Variants in ZIM2 observed in about 807,000 individuals in gnomAD.
ZIM2 encodes the protein zinc finger imprinted 2.
In ZIM2, 14 loss-of-function variants were observed where a neutral mutation model predicts 38.6. The observed-to-expected ratio is 0.36, with a 90% CI of 0.24 to 0.57. The LOEUF is 0.57. Among genes scored for constraint, ZIM2 ranks in the 20% least tolerant of loss-of-function variants. The pLI is 0.81. For missense variants in ZIM2, 680 were observed against 695.1 expected, an observed-to-expected ratio of 0.98 and a Z score of 0.24; for synonymous variants, 247 against 245.8, an observed-to-expected ratio of 1.00 and a Z score of -0.04.
chr19:56,818,821 T>C (rs763267763), intron 7 of ZIM2, 119 bp from the exon 8 acceptor site: 88 of 1,182,040 alleles, frequency 7.4e-5, no homozygotes, highest in Non-Finnish European at 1.0e-4. Context: ...GCTCACGGTA[T>C]TGGGGTTCTG....
At chr19:56,812,801 A>G in intron 9 of ZIM2, 1 of 969,518 alleles carries the variant, frequency 1.0e-6, no homozygotes, top group Non-Finnish European at 1.2e-6. Flanking sequence ...CTATCATCAA[A>G]CACATATTGA....
At chr19:56,823,735 TC>T in intron 4 of ZIM2, 56 bp from the exon 5 acceptor site, 7 of 1,587,778 alleles carry the variant, frequency 4.4e-6, no homozygotes, top group Non-Finnish European at 5.2e-6. Flanking sequence ...TCACAATAGT[TC>T]CCCCCAATCC....
chr19:56,774,626 C>T lies in ZIM2; in HGVS notation c.*62G>A. The T allele has an allele frequency of 2.6e-6, 4 of 1,558,514 alleles. No homozygotes were observed. The highest frequency in any genetic ancestry group is 3.5e-6 in the Non-Finnish European group (4 of 1,150,046). The stretch of plus-strand genomic sequence containing the variant: ...GGCTAGTGAAAGGCCTTCTCACACT[C>T]ACAACACTCTAGGAGGAAGCCAATA... On this transcript the variant is annotated 3_prime_UTR_variant, in exon 13 of 13. Coordinates refer to ENST00000629319, the MANE Select transcript of ZIM2 (RefSeq NM_001387356.1).
chr19:56,800,152 T>A (rs962096379), intron 9 of ZIM2, among the ~76,000 whole-genome samples: 1 of 152,154 alleles, frequency 6.6e-6, no homozygotes, highest in Non-Finnish European at 1.5e-5. Context: ...TTGAATAATA[T>A]CCTTAAGATC....
At chr19:56,783,270 C>T (rs956612595) in intron 10 of ZIM2, among the ~76,000 whole-genome samples, 34 of 152,164 alleles carry the variant, frequency 2.2e-4, no homozygotes, top group African/African-American at 8.2e-4. Context: ...ATACAACAAT[C>T]TTAGTAGCCT....
intron 9 of ZIM2, chr19:56,810,994 A>C (rs2059500483): frequency 1.0e-6 from 1 of 974,746 alleles, no homozygotes; most frequent in Non-Finnish European, 1.2e-6. Context: ...TGTAACAGCT[A>C]TTTTGAATAT....
In ZIM2 at chr19:56,816,605, C is replaced by T. The variant is rs779661784; in HGVS notation, c.490+1141G>A. ...TACATTTTCTGAAACTCATTAAGGG[C>T]TGGGCTGGGCCTAAAGGTTTCCCCG... On this transcript the variant is annotated intron_variant, in intron 9 of 12. Coordinates refer to ENST00000629319, the MANE Select transcript of ZIM2 (RefSeq NM_001387356.1). 1.7e-5 allele frequency: 28 copies of T among 1,613,790 alleles called. No homozygotes were observed. In the Admixed American group the frequency reaches 4.7e-4, roughly 27 times the overall value.
chr19:56,837,831 G>A lies in ZIM2; in HGVS notation c.-313-1727C>T, dbSNP rs879192267. 1.6e-4 allele frequency among the ~76,000 whole-genome samples: 24 copies of A among 151,342 alleles called. 1 individual carries two copies. Among genetic ancestry groups the A allele is most frequent in the African/African-American group, 4.1e-4 (17 of 41,246 alleles). ...TGCGCAGTACACCTCTGCTGCCCCCGCCACCGGCCAACACACGTGGTACTA... is the reference window on the plus strand; with the variant it reads ...TGCGCAGTACACCTCTGCTGCCCCCACCACCGGCCAACACACGTGGTACTA... On this transcript the variant is annotated intron_variant, in intron 1 of 12. Coordinates refer to ENST00000629319, the MANE Select transcript of ZIM2 (RefSeq NM_001387356.1).
intron 9 of ZIM2, among the ~76,000 whole-genome samples, chr19:56,792,461 G>A (rs909877196): frequency 6.7e-6 from 1 of 148,684 alleles, no homozygotes; most frequent in Non-Finnish European, 1.5e-5. Context: ...AACCCGGGAG[G>A]TGGAGGTTGC....
At chr19:56,811,349 A>G (rs2059529512) in intron 9 of ZIM2, 1 of 893,066 alleles carries the variant, frequency 1.1e-6, no homozygotes, top group Non-Finnish European at 1.3e-6. Context: ...CAGCATATAA[A>G]TGAACTGTTG....
At chr19:56,816,316 C>G (rs754147449) in intron 9 of ZIM2, 2 of 1,614,084 alleles carry the variant, frequency 1.2e-6, no homozygotes, top group South Asian at 2.2e-5. Context: ...GAGGTTCTTT[C>G]GAGAATGAAT....
intron 9 of ZIM2, among the ~76,000 whole-genome samples, chr19:56,805,903 T>G (rs1196867664): frequency 6.6e-6 from 1 of 152,224 alleles, no homozygotes; most frequent in Non-Finnish European, 1.5e-5. Context: ...AATTGGAATA[T>G]TGACAGATTT....
At chr19:56,789,821 AAGATAAGAT>A (rs760866389) in intron 10 of ZIM2, 42 bp downstream of exon 10, 16 of 1,413,582 alleles carry the variant, frequency 1.1e-5, no homozygotes, top group Non-Finnish European at 1.5e-5. Flanking sequence ...ACAAATTAGG[AAGATAAGAT>A]CCCCATATTT....
rs764301115 is a variant in ZIM2, at chr19:56,789,975, T to C, written c.491-24A>G. The C allele has an allele frequency of 4.0e-6, 6 of 1,509,894 alleles. No individual in the cohort carries two copies. In the African/African-American group the frequency reaches 4.1e-5, roughly 10 times the overall value. 93.5% of individuals were successfully genotyped at this position (1,509,894 alleles called of 1,614,324 possible). A position where few individuals can be genotyped will look rare whatever the true frequency, so the allele number is the denominator to read the frequency against. On this transcript the variant is annotated intron_variant, in intron 9 of 12. Transcript: ENST00000629319. Reference sequence around the variant, plus strand: ...ACCTAGAAGGGAGAGAGGAATACCATGGAATTGAGTCCTGTCTGGTAGCAC... The same window carrying C: ...ACCTAGAAGGGAGAGAGGAATACCACGGAATTGAGTCCTGTCTGGTAGCAC...
intron 10 of ZIM2, among the ~76,000 whole-genome samples, chr19:56,783,552 C>T (rs944571650): frequency 6.6e-6 from 1 of 152,216 alleles, no homozygotes; most frequent in Non-Finnish European, 1.5e-5. Context: ...AAACCATTAT[C>T]CTAAGCGAAC....
intron 9 of ZIM2, chr19:56,812,610 G>A: frequency 1.0e-6 from 1 of 985,734 alleles, no homozygotes; most frequent in Non-Finnish European, 1.2e-6. Flanking sequence ...CTTAAGGCAG[G>A]AAGCGCACAA....
intron 9 of ZIM2, among the ~76,000 whole-genome samples, chr19:56,792,881 G>A (rs1355480931): frequency 6.6e-6 from 1 of 152,216 alleles, no homozygotes; most frequent in Non-Finnish European, 1.5e-5. Context: ...CAGACTGAAT[G>A]TATAAAATGC....
rs540601646 is a variant in ZIM2, at chr19:56,820,607, G to A, written c.294+1044C>T. Among the ~76,000 whole-genome samples the A allele has an allele frequency of 7.4e-4, 112 of 152,182 alleles. 1 individual carries two copies. Among genetic ancestry groups the A allele is most frequent in the African/African-American group, 1.7e-3 (70 of 41,522 alleles). Reference sequence around the variant, plus strand: ...GGTCCCCTCCCCCAACACCTGACCCGGCGTGCTCCTGGCTCTAAATGGCAA... The same window carrying A: ...GGTCCCCTCCCCCAACACCTGACCCAGCGTGCTCCTGGCTCTAAATGGCAA... On this transcript the variant is annotated intron_variant, in intron 7 of 12. Transcript: ENST00000629319.
At chr19:56,780,259 T>TA (rs2046258346) in intron 11 of ZIM2, among the ~76,000 whole-genome samples, 1 of 149,882 alleles carries the variant, frequency 6.7e-6, no homozygotes, top group African/African-American at 2.5e-5. Context: ...TTTTTTTTTT[T>TA]TGAGACAGAG....
Sources: gnomAD v4.1 joint callset for allele counts (sites outside exome capture counted in the v4.1 genomes callset) on GRCh38, gnomAD v4.1.1 for gene constraint, MANE v1.5 for transcripts, NCBI Gene and HGNC (gene_info 2026-07-23, HGNC 2026-07-21) for gene names.